Variants in XKR4 observed in about 807,000 individuals in gnomAD.
XKR4 encodes the protein XK-related protein 4.
In XKR4, 12 loss-of-function variants were observed where a neutral mutation model predicts 53.9. The ratio of observed to expected loss-of-function variants is 0.22; its 90% CI spans 0.14 to 0.36. The LOEUF (loss-of-function observed/expected upper bound fraction) is 0.36, where lower values mean the gene tolerates loss of function less well. Ranked by LOEUF, XKR4 falls within the 10% of genes least tolerant of loss-of-function variation. The probability of loss-of-function intolerance (pLI) is 1.00; values close to 1 mark genes in which losing one functional copy is unlikely to be tolerated. For synonymous variants in XKR4, 354 were observed against 362.4 expected (o/e 0.98, Z 0.26); for missense variants, 799 against 859.5 (o/e 0.93, Z 0.88).
chr8:55,358,579 C>T (rs1015096216), intron 2 of XKR4, among the ~76,000 whole-genome samples: 3 of 152,190 alleles, frequency 2.0e-5, no homozygotes, highest in Admixed American at 1.3e-4. Flanking sequence ...CTGCTCAAAT[C>T]CTTTCTAGAA....
At chr8:55,226,103 A>C (rs1409336434) in intron 1 of XKR4, among the ~76,000 whole-genome samples, 1 of 152,170 alleles carries the variant, frequency 6.6e-6, no homozygotes. Context: ...AAAAGAAAAA[A>C]TCCTTCAAAA....
chr8:55,298,621 C>T (rs1819135190), intron 1 of XKR4, among the ~76,000 whole-genome samples: 1 of 152,154 alleles, frequency 6.6e-6, no homozygotes, highest in Non-Finnish European at 1.5e-5. Flanking sequence ...TGATTCAGCA[C>T]TTCCCACCAG....
At chr8:55,425,925 T>G (rs1176276494) in intron 2 of XKR4, among the ~76,000 whole-genome samples, 5 of 152,198 alleles carry the variant, frequency 3.3e-5, no homozygotes, top group African/African-American at 1.2e-4. Context: ...ATCAGCGGCT[T>G]TCCTTTTTCA....
At chr8:55,340,942 A>G (rs1465600909) in intron 1 of XKR4, among the ~76,000 whole-genome samples, 4 of 152,210 alleles carry the variant, frequency 2.6e-5, no homozygotes, top group African/African-American at 9.7e-5. Flanking sequence ...ATAATCGACA[A>G]CCTGAAGAAC....
intron 1 of XKR4, among the ~76,000 whole-genome samples, chr8:55,186,963 C>T (rs1234435374): frequency 6.6e-6 from 1 of 150,726 alleles, no homozygotes; most frequent in African/African-American, 2.4e-5. Flanking sequence ...GGAAGATAAA[C>T]CTCTCTTAGT....
At chr8:55,134,835 A>C (rs1816602277) in intron 1 of XKR4, among the ~76,000 whole-genome samples, 1 of 152,220 alleles carries the variant, frequency 6.6e-6, no homozygotes, top group African/African-American at 2.4e-5. Context: ...CACCACATTG[A>C]GCAGATTCAG....
At chr8:55,503,976 C>T (rs183820672) in intron 2 of XKR4, among the ~76,000 whole-genome samples, 8 of 151,544 alleles carry the variant, frequency 5.3e-5, no homozygotes, top group South Asian at 2.1e-4. Context: ...GTGTGTTTTC[C>T]CCCTCCATTC....
intron 1 of XKR4, among the ~76,000 whole-genome samples, chr8:55,321,971 G>T (rs1396889847): frequency 1.3e-5 from 2 of 148,164 alleles, no homozygotes; most frequent in African/African-American, 5.0e-5. Context: ...CCTGGTGACA[G>T]AGCGAGACTC....
intron 2 of XKR4, among the ~76,000 whole-genome samples, chr8:55,481,683 T>C (rs1418133126): frequency 6.6e-6 from 1 of 151,650 alleles, no homozygotes; most frequent in Non-Finnish European, 1.5e-5. Context: ...TACAATGAAC[T>C]CAAATCAATT....
chr8:55,450,052 T>G, intron 2 of XKR4: 1 of 769,110 alleles, frequency 1.3e-6, no homozygotes, highest in South Asian at 1.4e-5. Flanking sequence ...GCCACGTCCA[T>G]CTGGCCGGGC....
intron 1 of XKR4, among the ~76,000 whole-genome samples, chr8:55,229,862 A>G (rs1818007365): frequency 7.4e-6 from 1 of 135,614 alleles, no homozygotes; most frequent in Admixed American, 8.2e-5. Flanking sequence ...TTGTTAAGTT[A>G]ATTAGCTTTT....
intron 2 of XKR4, among the ~76,000 whole-genome samples, chr8:55,514,816 C>T (rs958593578): frequency 6.6e-6 from 1 of 152,062 alleles, no homozygotes; most frequent in Non-Finnish European, 1.5e-5. Context: ...AAATTAATCA[C>T]GCAATATGTA....
At chr8:55,105,440 AC>A (rs1233398983) in intron 1 of XKR4, among the ~76,000 whole-genome samples, 2 of 152,160 alleles carry the variant, frequency 1.3e-5, no homozygotes, top group Non-Finnish European at 1.5e-5. Flanking sequence ...GTATTAACTG[AC>A]CCAGACTTGG....
chr8:55,297,614 A>G (rs1819119515), intron 1 of XKR4, among the ~76,000 whole-genome samples: 1 of 152,244 alleles, frequency 6.6e-6, no homozygotes, highest in African/African-American at 2.4e-5. Flanking sequence ...TTATACAAAT[A>G]AAGAAAAGAG....
intron 2 of XKR4, among the ~76,000 whole-genome samples, chr8:55,495,299 C>T (rs1051171007): frequency 1.3e-5 from 2 of 152,160 alleles, no homozygotes; most frequent in Admixed American, 1.3e-4. Flanking sequence ...CCTGGACCCC[C>T]AAGAGCACAG....
intron 1 of XKR4, among the ~76,000 whole-genome samples, chr8:55,215,985 A>G (rs890741607): frequency 3.3e-5 from 5 of 152,244 alleles, no homozygotes; most frequent in Non-Finnish European, 5.9e-5. Flanking sequence ...CCACAAAAAC[A>G]TAGCACTTAC....
intron 1 of XKR4, among the ~76,000 whole-genome samples, chr8:55,221,042 C>T (rs1016460054): frequency 3.9e-5 from 6 of 152,146 alleles, no homozygotes; most frequent in African/African-American, 1.2e-4. Flanking sequence ...CCCATCTCCT[C>T]ATTGGCTTAT....
chr8:55,230,962 AGTCTGATTGT>A (rs1818031888), intron 1 of XKR4, among the ~76,000 whole-genome samples: 1 of 152,094 alleles, frequency 6.6e-6, no homozygotes, highest in Non-Finnish European at 1.5e-5. Context: ...TCAGCTGCTC[AGTCTGATTGT>A]GTCTGAGCTC....
chr8:55,216,727 C>CAAAAAAAA (rs35682640), intron 1 of XKR4, among the ~76,000 whole-genome samples: 1 of 101,094 alleles, frequency 9.9e-6, no homozygotes. Context: ...AATTGCATCT[C>CAAAAAAAA]AAAAAAAAAA....
Sources: allele counts gnomAD v4.1 joint callset (sites outside exome capture counted in the v4.1 genomes callset), GRCh38; gene constraint gnomAD v4.1.1; transcripts MANE v1.5; gene names NCBI Gene and HGNC (gene_info 2026-07-23, HGNC 2026-07-21).